Variants in SLC41A2 observed in about 807,000 individuals in gnomAD.
SLC41A2 encodes the protein SLC41A1-like 1.
Under a neutral mutation model 58.3 loss-of-function variants are expected in SLC41A2, and 32 were observed. That is an observed-to-expected ratio of 0.55 (90% CI 0.41 to 0.74). The LOEUF is 0.74. Ranked by LOEUF, SLC41A2 falls within the 30% of genes least tolerant of loss-of-function variation. The pLI is 0.00. For synonymous variants in SLC41A2, 190 were observed against 235.0 expected (o/e 0.81, Z 1.75); for missense variants, 514 against 680.6 (o/e 0.76, Z 2.72).
At chr12:104,914,612 AC>A (rs1224056376) in intron 2 of SLC41A2, among the ~76,000 whole-genome samples, 1 of 152,282 alleles carries the variant, frequency 6.6e-6, no homozygotes, top group Admixed American at 6.5e-5. Flanking sequence ...TCCCACAGTA[AC>A]CCTGGAGTGT....
At chr12:104,859,605 T>C (rs138124627) in intron 8 of SLC41A2, among the ~76,000 whole-genome samples, 3 of 152,256 alleles carry the variant, frequency 2.0e-5, no homozygotes, top group Admixed American at 1.3e-4. Flanking sequence ...GAGAGACCTA[T>C]AGGGAAAATT....
intron 2 of SLC41A2, among the ~76,000 whole-genome samples, chr12:104,914,791 C>T (rs2046239165): frequency 6.6e-6 from 1 of 152,224 alleles, no homozygotes; most frequent in South Asian, 2.1e-4. Flanking sequence ...TATGGACATA[C>T]TTGTACCACC....
At chr12:104,925,276 C>T (rs1411679990) in intron 2 of SLC41A2, among the ~76,000 whole-genome samples, 2 of 151,994 alleles carry the variant, frequency 1.3e-5, no homozygotes, top group Non-Finnish European at 2.9e-5. Flanking sequence ...ATATTTATAT[C>T]GGCCAGGCGC....
At chr12:104,908,296 T>G (rs2045938096) in intron 3 of SLC41A2, among the ~76,000 whole-genome samples, 1 of 152,158 alleles carries the variant, frequency 6.6e-6, no homozygotes, top group African/African-American at 2.4e-5. Context: ...ACTAGTAATG[T>G]TAATAAAACA....
At chr12:104,916,234 T>C (rs1309453464) in intron 2 of SLC41A2, among the ~76,000 whole-genome samples, 3 of 152,186 alleles carry the variant, frequency 2.0e-5, no homozygotes, top group Non-Finnish European at 4.4e-5. Flanking sequence ...AAATTCTCTT[T>C]TTTGGTTGTG....
intron 1 of SLC41A2, among the ~76,000 whole-genome samples, chr12:104,950,276 TGGTTGGATCATGG>T (rs2047901876): frequency 1.3e-5 from 2 of 151,768 alleles, no homozygotes; most frequent in Non-Finnish European, 1.5e-5. Flanking sequence ...TGGTAGGAGG[TGGTTGGATCATGG>T]GGTTGGATTC....
intron 5 of SLC41A2, among the ~76,000 whole-genome samples, chr12:104,888,605 A>G (rs2044787384): frequency 6.6e-6 from 1 of 152,118 alleles, no homozygotes; most frequent in South Asian, 2.1e-4. Flanking sequence ...CAGGGAAGAA[A>G]TTTTTCTTGA....
Position 104,952,437 on chromosome 12 carries a change from G to A in SLC41A2, c.-168+5651C>T, listed in dbSNP as rs553244485. Among the ~76,000 whole-genome samples the A allele has an allele frequency of 7.8e-4, 118 of 152,234 alleles. 1 individual carries two copies. The highest frequency in any genetic ancestry group is 6.6e-3 in the South Asian group (32 of 4,824). On this transcript the variant is annotated intron_variant, in intron 1 of 10. Coordinates refer to ENST00000258538, the MANE Select transcript of SLC41A2 (RefSeq NM_001352171.3). ...TTTTACAAGAAATAGATTGGAACCA[G>A]GTTTTGGAATACCTGTAATGCTGGG...
At chr12:104,853,911 A>ATTATTTTTTTTT in intron 8 of SLC41A2, among the ~76,000 whole-genome samples, 1 of 59,498 alleles carries the variant, frequency 1.7e-5, no homozygotes, top group African/African-American at 6.9e-5. Flanking sequence ...TGCCTGGCTG[A>ATTATTTTTTTTT]TTTTTTTTTT....
intron 8 of SLC41A2, among the ~76,000 whole-genome samples, chr12:104,859,675 T>C (rs1255534879): frequency 6.6e-6 from 1 of 152,188 alleles, no homozygotes; most frequent in African/African-American, 2.4e-5. Flanking sequence ...ATTTTAGACA[T>C]GAAATTAGAT....
intron 8 of SLC41A2, among the ~76,000 whole-genome samples, chr12:104,857,366 A>G (rs931546698): frequency 6.6e-6 from 1 of 152,212 alleles, no homozygotes; most frequent in African/African-American, 2.4e-5. Flanking sequence ...ATCCCGTAGT[A>G]GGATGTGGAG....
intron 1 of SLC41A2, among the ~76,000 whole-genome samples, chr12:104,937,685 A>G (rs1301154631): frequency 1.3e-5 from 2 of 152,224 alleles, no homozygotes; most frequent in African/African-American, 4.8e-5. Flanking sequence ...TCTTGTTATC[A>G]AAGTGTGGTC....
At chr12:104,844,727 C>A (rs967904620) in intron 9 of SLC41A2, 107 bp from the exon 10 acceptor site, 5 of 467,838 alleles carry the variant, frequency 1.1e-5, no homozygotes, top group African/African-American at 1.0e-4. Context: ...ATACTTCATA[C>A]TATCACATGA....
chr12:104,925,204 C>T (rs947666635), intron 2 of SLC41A2, among the ~76,000 whole-genome samples: 1 of 152,140 alleles, frequency 6.6e-6, no homozygotes, highest in Non-Finnish European at 1.5e-5. Context: ...TTTATATACT[C>T]TAGATGTATT....
intron 10 of SLC41A2, among the ~76,000 whole-genome samples, chr12:104,820,374 G>A (rs901088490): frequency 3.9e-5 from 6 of 152,202 alleles, no homozygotes; most frequent in African/African-American, 7.2e-5. Context: ...GAGGCAAGAG[G>A]ATCACCTTAA....
At chr12:104,836,019 T>A (rs1192149343) in intron 10 of SLC41A2, among the ~76,000 whole-genome samples, 1 of 152,162 alleles carries the variant, frequency 6.6e-6, no homozygotes, top group African/African-American at 2.4e-5. Flanking sequence ...TAATTTTGTA[T>A]TTTTAGTAGA....
intron 7 of SLC41A2, among the ~76,000 whole-genome samples, chr12:104,863,677 C>G (rs1280445580): frequency 6.6e-6 from 1 of 152,056 alleles, no homozygotes; most frequent in African/African-American, 2.4e-5. Context: ...TCTTACACTT[C>G]CCTCCCACTT....
intron 10 of SLC41A2, among the ~76,000 whole-genome samples, chr12:104,815,151 A>G (rs906520046): frequency 6.6e-6 from 1 of 152,226 alleles, no homozygotes; most frequent in Admixed American, 6.5e-5. Flanking sequence ...AGTCAGCAAA[A>G]GATATCTGTT....
At chr12:104,957,823 G>T (rs959800599) in intron 1 of SLC41A2, among the ~76,000 whole-genome samples, 1 of 152,134 alleles carries the variant, frequency 6.6e-6, no homozygotes, top group African/African-American at 2.4e-5. Flanking sequence ...TTGGGCGCCC[G>T]GGACCGCTTG....
Sources: gnomAD v4.1 joint callset for allele counts (sites outside exome capture counted in the v4.1 genomes callset) on GRCh38, gnomAD v4.1.1 for gene constraint, MANE v1.5 for transcripts, NCBI Gene and HGNC (gene_info 2026-07-23, HGNC 2026-07-21) for gene names.